CCSER1: variants seen among roughly 807,000 people sequenced by gnomAD.
CCSER1 encodes coiled-coil serine rich protein 1, also known as serine-rich coiled-coil domain-containing protein 1.
In CCSER1, 41 loss-of-function variants were observed where a neutral mutation model predicts 82.0. The observed-to-expected ratio is 0.50, with a 90% CI of 0.39 to 0.65. The LOEUF (loss-of-function observed/expected upper bound fraction) is 0.65. Ranked by LOEUF, CCSER1 falls within the 30% of genes least tolerant of loss-of-function variation. The pLI, the probability that CCSER1 is intolerant of heterozygous loss-of-function variation, is 0.00. For synonymous variants in CCSER1, 414 were observed against 383.9 expected (o/e 1.08, Z -0.92); for missense variants, 1,119 against 1,064.2 (o/e 1.05, Z -0.72).
intron 8 of CCSER1, among the ~76,000 whole-genome samples, chr4:90,884,757 A>G (rs966209237): frequency 3.3e-5 from 5 of 152,166 alleles, no homozygotes; most frequent in Non-Finnish European, 5.9e-5. Context: ...TACAATTTGT[A>G]AAATTTGGCT....
intron 10 of CCSER1, among the ~76,000 whole-genome samples, chr4:91,135,953 G>A (rs1179473572): frequency 6.6e-6 from 1 of 151,946 alleles, no homozygotes; most frequent in African/African-American, 2.4e-5. Context: ...TAACTGCTGG[G>A]GTAATGACAT....
chr4:91,541,055 T>C (rs948594812), intron 10 of CCSER1, among the ~76,000 whole-genome samples: 13 of 152,176 alleles, frequency 8.5e-5, no homozygotes, highest in South Asian at 2.1e-4. Flanking sequence ...AATTTTATAA[T>C]TGATTTGTCA....
At chr4:90,277,944 A>G (rs576980317) in intron 1 of CCSER1, among the ~76,000 whole-genome samples, 1 of 152,120 alleles carries the variant, frequency 6.6e-6, no homozygotes, top group Non-Finnish European at 1.5e-5. Context: ...TTTGACAAAG[A>G]TCTAATATCC....
chr4:90,336,816 T>A (rs1244846240), intron 3 of CCSER1, among the ~76,000 whole-genome samples: 2 of 152,228 alleles, frequency 1.3e-5, no homozygotes, highest in Non-Finnish European at 2.9e-5. Flanking sequence ...AGCCAGTTTT[T>A]TTGCATACAA....
intron 5 of CCSER1, among the ~76,000 whole-genome samples, chr4:90,522,998 C>T (rs2153626203): frequency 6.6e-6 from 1 of 151,944 alleles, no homozygotes; most frequent in African/African-American, 2.4e-5. Flanking sequence ...TAATCATTTA[C>T]CCCCCTCTTT....
intron 1 of CCSER1, among the ~76,000 whole-genome samples, chr4:90,151,190 C>T (rs1726771931): frequency 6.6e-6 from 1 of 151,784 alleles, no homozygotes; most frequent in African/African-American, 2.4e-5. Flanking sequence ...CGTACTTATA[C>T]AAAATGAAAT....
chr4:90,847,453 C>A (rs1471464084), intron 8 of CCSER1, among the ~76,000 whole-genome samples: 1 of 152,184 alleles, frequency 6.6e-6, no homozygotes, highest in African/African-American at 2.4e-5. Context: ...CTGAAGATTT[C>A]CTCTATGAAG....
At chr4:90,693,536 G>C (rs540342769) in intron 6 of CCSER1, 34 of 152,016 alleles carry the variant, frequency 2.2e-4, no homozygotes, top group African/African-American at 7.7e-4. Context: ...AAAGAAAAAG[G>C]TGTGAACAAA....
intron 10 of CCSER1, among the ~76,000 whole-genome samples, chr4:91,158,636 G>A (rs1731061119): frequency 6.6e-6 from 1 of 151,800 alleles, no homozygotes; most frequent in African/African-American, 2.4e-5. Context: ...GTGTGTGTGT[G>A]TGTGTGTGTG....
chr4:91,530,688 T>C (rs111885865), intron 10 of CCSER1, among the ~76,000 whole-genome samples: 1 of 147,926 alleles, frequency 6.8e-6, no homozygotes, highest in Non-Finnish European at 1.5e-5. Flanking sequence ...TTCTTTCTTT[T>C]TTTTTTTTTT....
chr4:91,437,157 A>T (rs1039539224), intron 10 of CCSER1, among the ~76,000 whole-genome samples: 1 of 152,206 alleles, frequency 6.6e-6, no homozygotes, highest in Admixed American at 6.5e-5. Flanking sequence ...AATATGAGAA[A>T]TAAATGTCAG....
At chr4:91,279,008 G>A (rs566002188) in intron 10 of CCSER1, among the ~76,000 whole-genome samples, 22 of 151,224 alleles carry the variant, frequency 1.5e-4, no homozygotes, top group Middle Eastern at 3.5e-3. Context: ...TCTCTTCTTC[G>A]TTTATGAAGG....
intron 3 of CCSER1, among the ~76,000 whole-genome samples, chr4:90,321,422 C>T (rs1000595627): frequency 2.6e-5 from 4 of 152,074 alleles, no homozygotes; most frequent in Non-Finnish European, 5.9e-5. Flanking sequence ...GAATAATATT[C>T]TATTGTGTGT....
intron 7 of CCSER1, among the ~76,000 whole-genome samples, chr4:90,812,414 T>C (rs1758470719): frequency 1.3e-5 from 2 of 152,144 alleles, no homozygotes; most frequent in Non-Finnish European, 2.9e-5. Context: ...GTAGAGGCCA[T>C]GGATGTGGAT....
Position 90,708,064 on chromosome 4 carries a change from G to T in CCSER1, c.1933-15850G>T, listed in dbSNP as rs189473777. Among the ~76,000 whole-genome samples, 143 of 152,232 alleles carry T rather than the reference G, an allele frequency of 9.4e-4. 1 individual carries two copies. Among genetic ancestry groups the T allele is most frequent in the Non-Finnish European group, 1.6e-3 (108 of 68,012 alleles). ...GTTCAAGGTCAACCAGCAGCAGTTTGCACCTCCTGAGGCTCTGTGTTTTAG... is the reference window on the plus strand; with the variant it reads ...GTTCAAGGTCAACCAGCAGCAGTTTTCACCTCCTGAGGCTCTGTGTTTTAG... On this transcript the variant is annotated intron_variant, in intron 6 of 10. Coordinates refer to ENST00000509176, the MANE Select transcript of CCSER1 (RefSeq NM_001145065.2).
At chr4:91,056,723 C>T (rs1314060427) in intron 9 of CCSER1, among the ~76,000 whole-genome samples, 2 of 152,122 alleles carry the variant, frequency 1.3e-5, no homozygotes, top group Non-Finnish European at 2.9e-5. Context: ...AGATTAGGCT[C>T]CTTCCCTGGG....
chr4:90,517,007 TC>T (rs1455268792), intron 5 of CCSER1, among the ~76,000 whole-genome samples: 1 of 152,090 alleles, frequency 6.6e-6, no homozygotes, highest in Admixed American at 6.6e-5. Flanking sequence ...TGGGGTTACA[TC>T]CCATAAAGCC....
intron 10 of CCSER1, among the ~76,000 whole-genome samples, chr4:91,224,122 G>A (rs969437950): frequency 7.4e-5 from 11 of 149,410 alleles, no homozygotes; most frequent in Admixed American, 3.4e-4. Flanking sequence ...AATAACTCCC[G>A]CGCTTAATGT....
intron 10 of CCSER1, among the ~76,000 whole-genome samples, chr4:91,344,052 C>T (rs918321188): frequency 7.9e-5 from 12 of 151,962 alleles, no homozygotes; most frequent in Non-Finnish European, 2.9e-5. Flanking sequence ...GTTTGTGATC[C>T]CTCAATATTC....
Sources: allele counts gnomAD v4.1 joint callset (sites outside exome capture counted in the v4.1 genomes callset), GRCh38; gene constraint gnomAD v4.1.1; transcripts MANE v1.5; gene names NCBI Gene and HGNC (gene_info 2026-07-23, HGNC 2026-07-21).